ATF6: variants seen among roughly 807,000 people sequenced by gnomAD.
The protein encoded by ATF6 is cyclic AMP-dependent transcription factor ATF-6 alpha.
Under a neutral mutation model 83.6 loss-of-function variants are expected in ATF6, and 53 were observed. The observed-to-expected ratio is 0.63, with a 90% confidence interval of 0.51 to 0.80. The LOEUF (loss-of-function observed/expected upper bound fraction) is 0.80, where lower values mean the gene tolerates loss of function less well. Ranked by LOEUF, ATF6 falls within the 30% of genes least tolerant of loss-of-function variation. The pLI, the probability that ATF6 is intolerant of heterozygous loss-of-function variation, is 0.00. For missense variants in ATF6, 744 were observed against 797.9 expected (o/e 0.93, Z 0.81); for synonymous variants, 288 against 285.8 (o/e 1.01, Z -0.08).
chr1:161,957,003 T>C (rs776511905), intron 15 of ATF6, among the ~76,000 whole-genome samples: 5 of 152,114 alleles, frequency 3.3e-5, no homozygotes, highest in Non-Finnish European at 5.9e-5. Flanking sequence ...TAGACCTGAA[T>C]TTAGGACACC....
intron 2 of ATF6, among the ~76,000 whole-genome samples, chr1:161,779,860 C>G (rs1684594324): frequency 6.6e-6 from 1 of 152,050 alleles, no homozygotes; most frequent in African/African-American, 2.4e-5. Context: ...GTCTCAGCCT[C>G]CTGAATAGCT....
At chr1:161,900,130 TGTTTTTATTA>T (rs1177329158) in intron 14 of ATF6, among the ~76,000 whole-genome samples, 2 of 152,196 alleles carry the variant, frequency 1.3e-5, no homozygotes, top group Non-Finnish European at 2.9e-5. Flanking sequence ...TTATCTTACT[TGTTTTTATTA>T]GTTTTTATTA....
intron 4 of ATF6, 70 bp from the exon 5 acceptor site, chr1:161,791,338 C>T: frequency 7.3e-7 from 1 of 1,373,462 alleles, no homozygotes; most frequent in East Asian, 2.5e-5. Flanking sequence ...ATATGTGGGT[C>T]TCCTCCTTTT....
At chr1:161,813,099 G>GA (rs1431027942) in intron 7 of ATF6, among the ~76,000 whole-genome samples, 8 of 149,506 alleles carry the variant, frequency 5.4e-5, no homozygotes, top group Admixed American at 1.3e-4. Flanking sequence ...AAAGAAAAAA[G>GA]AAAAAAAAAG....
rs1004501563 is a variant in ATF6, at chr1:161,831,954, A to G, written c.1187+10793A>G. On this transcript the variant is annotated intron_variant, in intron 9 of 15. Transcript: ENST00000367942. ...GAACTTAAAGTATAATAAAAAAAAA[A>G]AAAGAAAGAAAAATTTCCAGAGATA... Among the ~76,000 whole-genome samples the G allele has an allele frequency of 4.6e-5, 7 of 151,104 alleles. No homozygotes were observed. The South Asian group carries it at 6.2e-4, about 13-fold the overall frequency.
intron 6 of ATF6, among the ~76,000 whole-genome samples, chr1:161,798,666 A>ATAGG (rs1465988869): frequency 6.6e-6 from 1 of 152,176 alleles, no homozygotes; most frequent in Non-Finnish European, 1.5e-5. Context: ...CAACAGAGGA[A>ATAGG]TAGGACAGCC....
chr1:161,955,623 A>G (rs1454672803), intron 15 of ATF6, among the ~76,000 whole-genome samples: 1 of 152,226 alleles, frequency 6.6e-6, no homozygotes, highest in East Asian at 1.9e-4. Context: ...AGCCACCCAA[A>G]GAACCTTTTT....
At chr1:161,922,875 A>G (rs1688239723) in intron 15 of ATF6, among the ~76,000 whole-genome samples, 1 of 151,942 alleles carries the variant, frequency 6.6e-6, no homozygotes, top group African/African-American at 2.4e-5. Flanking sequence ...CACGGTGAAG[A>G]GTTGTGATTT....
chr1:161,848,270 C>A (rs144459216), intron 10 of ATF6, among the ~76,000 whole-genome samples: 2 of 152,046 alleles, frequency 1.3e-5, no homozygotes, highest in East Asian at 1.9e-4. Flanking sequence ...ATAAAAGATA[C>A]CAAAAAATGT....
At chr1:161,939,664 G>A (rs1688606305) in intron 15 of ATF6, among the ~76,000 whole-genome samples, 2 of 152,196 alleles carry the variant, frequency 1.3e-5, no homozygotes, top group Admixed American at 1.3e-4. Context: ...GGTCCCAGAT[G>A]GCTGCTTCAG....
intron 15 of ATF6, among the ~76,000 whole-genome samples, chr1:161,918,501 T>G (rs1571236414): frequency 6.6e-6 from 1 of 152,326 alleles, no homozygotes; most frequent in East Asian, 1.9e-4. Context: ...TTTCTTTGGC[T>G]TATTAGACTT....
chr1:161,866,569 T>C (rs1389046248), intron 14 of ATF6, among the ~76,000 whole-genome samples: 1 of 152,252 alleles, frequency 6.6e-6, no homozygotes, highest in African/African-American at 2.4e-5. Flanking sequence ...CAGTTATTTG[T>C]AGCTTATTTT....
chr1:161,910,598 A>C (rs1222330550), intron 14 of ATF6, among the ~76,000 whole-genome samples: 6 of 152,186 alleles, frequency 3.9e-5, no homozygotes, highest in African/African-American at 1.2e-4. Context: ...ACCCATGACC[A>C]GTGGAATCTA....
At chr1:161,832,244 A>G (rs1686081906) in intron 9 of ATF6, among the ~76,000 whole-genome samples, 1 of 152,222 alleles carries the variant, frequency 6.6e-6, no homozygotes, top group African/African-American at 2.4e-5. Flanking sequence ...TTAAGTTAAA[A>G]TTATAAAAAC....
intron 14 of ATF6, among the ~76,000 whole-genome samples, chr1:161,895,577 G>C (rs1188716157): frequency 6.6e-6 from 1 of 152,172 alleles, no homozygotes; most frequent in African/African-American, 2.4e-5. Context: ...ATACTTGTCT[G>C]AGGCAGGAAT....
chr1:161,898,745 ACCACGTT>A (rs1355120998), intron 14 of ATF6, among the ~76,000 whole-genome samples: 10 of 152,164 alleles, frequency 6.6e-5, no homozygotes, highest in Admixed American at 2.0e-4. Context: ...ACAGGGTTTT[ACCACGTT>A]GGCCAGACCG....
At position 161,778,808 on chromosome 1, in the gene ATF6, T is replaced by C. The variant is rs556509730; in HGVS notation, c.159+488T>C. ...ATTGGTTAGAGGTCTGTGTGAAAAC[T>C]ATTATAACACTGAGTCCCCGAGAAT... is the stretch of plus-strand genomic sequence containing the variant. On this transcript the variant is annotated intron_variant, in intron 2 of 15. Coordinates refer to ENST00000367942, the MANE Select transcript of ATF6 (RefSeq NM_007348.4). 6.6e-5 allele frequency among the ~76,000 whole-genome samples: 10 copies of C among 152,320 alleles called. 1 individual carries two copies. Among genetic ancestry groups the C allele is most frequent in the East Asian group, 5.8e-4 (3 of 5,188 alleles).
intron 7 of ATF6, among the ~76,000 whole-genome samples, chr1:161,813,984 A>G (rs1208359750): frequency 6.6e-6 from 1 of 151,682 alleles, no homozygotes; most frequent in Admixed American, 6.6e-5. Context: ...TCCCAGGTTC[A>G]AGCAATTCTC....
At chr1:161,811,414 A>G (rs1367136075) in intron 7 of ATF6, among the ~76,000 whole-genome samples, 2 of 152,200 alleles carry the variant, frequency 1.3e-5, no homozygotes, top group Non-Finnish European at 2.9e-5. Flanking sequence ...TATGAGATCT[A>G]AAGGAAAATG....
Sources: gnomAD v4.1 joint callset for allele counts (sites outside exome capture counted in the v4.1 genomes callset) on GRCh38, gnomAD v4.1.1 for gene constraint, MANE v1.5 for transcripts, NCBI Gene and HGNC (gene_info 2026-07-23, HGNC 2026-07-21) for gene names.